Variants in LRP1B observed in about 807,000 individuals in gnomAD.
LRP1B encodes the protein LDL receptor related protein 1B.
A neutral mutation model predicts 556.6 loss-of-function variants in LRP1B; 217 were observed. The observed-to-expected ratio is 0.39, with a 90% confidence interval of 0.35 to 0.44. The LOEUF (loss-of-function observed/expected upper bound fraction) is 0.44, where lower values mean the gene tolerates loss of function less well. Ranked by LOEUF, LRP1B falls within the 20% of genes least tolerant of loss-of-function variation. The pLI is 1.00. For missense variants in LRP1B, 5,053 were observed against 5,620.8 expected, an observed-to-expected ratio of 0.90 and a Z score of 3.23; for synonymous variants, 2,047 against 1,865.8, an observed-to-expected ratio of 1.10 and a Z score of -2.50.
Position 140,485,968 on chromosome 2 carries a change from T to C in LRP1B, c.9244-444A>G, listed in dbSNP as rs980477242. The stretch of plus-strand genomic sequence containing the variant: ...CTCTCTCTACTGCTCTTGACCTATT[T>C]AGTTAACTACAAGGAGAGAAGAAAA... On this transcript the variant is annotated intron_variant, in intron 58 of 90. Transcript: ENST00000389484. Among the ~76,000 whole-genome samples, 4 of 151,854 alleles carry C rather than the reference T, an allele frequency of 2.6e-5. No homozygotes were observed. The East Asian group carries it at 7.7e-4, about 29-fold the overall frequency.
chr2:141,243,221 A>T (rs1421219617), intron 5 of LRP1B, among the ~76,000 whole-genome samples: 1 of 150,550 alleles, frequency 6.6e-6, no homozygotes, highest in Non-Finnish European at 1.5e-5. Flanking sequence ...CGTGGCTCAC[A>T]TATGTGATCT....
At position 141,982,540 on chromosome 2, in the gene LRP1B, A is replaced by G. The variant is rs191543312; in HGVS notation, c.82+148108T>C. ...TCATTCTTAATTATATTTGAACGCTAAAACCACAACTAATTTTGCTCTATC... is the reference window on the plus strand; with the variant it reads ...TCATTCTTAATTATATTTGAACGCTGAAACCACAACTAATTTTGCTCTATC... On this transcript the variant is annotated intron_variant, in intron 1 of 90. Coordinates refer to ENST00000389484, the MANE Select transcript of LRP1B (RefSeq NM_018557.3). Among the ~76,000 whole-genome samples, 436 of 152,306 alleles carry G rather than the reference A, an allele frequency of 2.9e-3. 1 individual carries two copies. Among genetic ancestry groups the G allele is most frequent in the Admixed American group, 4.3e-3 (66 of 15,298 alleles).
chr2:142,091,054 G>A (rs1342340909), intron 1 of LRP1B, among the ~76,000 whole-genome samples: 2 of 152,002 alleles, frequency 1.3e-5, no homozygotes, highest in Non-Finnish European at 2.9e-5. Context: ...AGAGACTAAT[G>A]ATTTTTTGAT....
chr2:140,310,414 CAAAA>C (rs10670842), intron 83 of LRP1B, among the ~76,000 whole-genome samples: 2 of 124,858 alleles, frequency 1.6e-5, no homozygotes, highest in African/African-American at 3.0e-5. Flanking sequence ...CATACGGAAC[CAAAA>C]AAAAAAAAAA....
chr2:140,470,538 G>A lies in LRP1B; in HGVS notation c.9625+4600C>T, dbSNP rs138565811. On this transcript the variant is annotated intron_variant, in intron 60 of 90. Transcript: ENST00000389484. ...AGGGCGCCTGTAGTCCCAGCCCCTC[G>A]GGAGGCTGAGGCAGGAGAATGGCAT... 3.3e-3 allele frequency among the ~76,000 whole-genome samples: 491 copies of A among 151,054 alleles called. 2 individuals are homozygous for A. The highest frequency in any genetic ancestry group is 0.011 in the African/African-American group (459 of 41,194).
chr2:141,513,483 C>T (rs1237347645), intron 2 of LRP1B, among the ~76,000 whole-genome samples: 2 of 151,956 alleles, frequency 1.3e-5, no homozygotes, highest in Non-Finnish European at 2.9e-5. Context: ...AATCTAAATT[C>T]TATTGACTTT....
At position 140,375,118 on chromosome 2, in the gene LRP1B, G is replaced by A. The variant is rs183560999; in HGVS notation, c.10639-1981C>T. Among the ~76,000 whole-genome samples, 139 of 151,842 alleles carry A rather than the reference G, an allele frequency of 9.2e-4. 3 individuals are homozygous for A. Among genetic ancestry groups the A allele is most frequent in the South Asian group, 7.1e-3 (34 of 4,818 alleles). ...CTTTGCAACCTCCAAAGTGATTAATGAGCTTTTGCTTTTTAAAGTATTGTT... is the reference window on the plus strand; with the variant it reads ...CTTTGCAACCTCCAAAGTGATTAATAAGCTTTTGCTTTTTAAAGTATTGTT... On this transcript the variant is annotated intron_variant, in intron 68 of 90. Transcript: ENST00000389484.
chr2:140,813,877 G>T, intron 31 of LRP1B, 71 bp from the exon 32 acceptor site: 1 of 1,040,106 alleles, frequency 9.6e-7, no homozygotes, highest in Non-Finnish European at 1.4e-6. Context: ...AGCACCACTG[G>T]ATTTGAGGGG....
At chr2:142,069,806 T>C (rs1306609374) in intron 1 of LRP1B, among the ~76,000 whole-genome samples, 1 of 150,368 alleles carries the variant, frequency 6.7e-6, no homozygotes, top group Non-Finnish European at 1.5e-5. Context: ...TATAGTTAAA[T>C]TTATATATTT....
intron 3 of LRP1B, among the ~76,000 whole-genome samples, chr2:141,276,658 C>CTTTCTTTT (rs61184600): frequency 8.1e-6 from 1 of 122,924 alleles, no homozygotes; most frequent in Non-Finnish European, 1.7e-5. Context: ...TTCTTTCTTT[C>CTTTCTTTT]TTTTTTTTTT....
At chr2:140,710,347 GAT>G (rs1381320023) in intron 37 of LRP1B, among the ~76,000 whole-genome samples, 1 of 152,028 alleles carries the variant, frequency 6.6e-6, no homozygotes, top group Admixed American at 6.6e-5. Flanking sequence ...CAGGAAAAGA[GAT>G]ATCATATTTA....
At chr2:140,273,675 G>C (rs183339016) in intron 85 of LRP1B, among the ~76,000 whole-genome samples, 2 of 151,938 alleles carry the variant, frequency 1.3e-5, no homozygotes, top group Non-Finnish European at 1.5e-5. Flanking sequence ...CCCAAGCAAG[G>C]CAAGTGATAG....
intron 21 of LRP1B, among the ~76,000 whole-genome samples, chr2:140,916,505 C>A (rs552141047): frequency 1.2e-4 from 18 of 152,158 alleles, no homozygotes. Flanking sequence ...CACATGTGTG[C>A]CAGTCAGTTC....
intron 41 of LRP1B, among the ~76,000 whole-genome samples, chr2:140,611,267 C>T (rs1683062499): frequency 6.6e-6 from 1 of 152,136 alleles, no homozygotes. Context: ...TTGTAATAAG[C>T]TCAGTCATTT....
intron 66 of LRP1B, among the ~76,000 whole-genome samples, chr2:140,402,814 G>A (rs111672037): frequency 0.02 from 3,012 of 152,262 alleles, 48 homozygotes; most frequent in Non-Finnish European, 0.03. Flanking sequence ...CTCCTCTACT[G>A]TTCTGAAGCT....
chr2:141,602,281 G>A (rs13001145), intron 2 of LRP1B, among the ~76,000 whole-genome samples: 44,990 of 151,994 alleles, frequency 0.3, 7,615 homozygotes, highest in Non-Finnish European at 0.38. Context: ...ATCTGGTGAG[G>A]TTGTAACCAG....
chr2:142,124,456 A>T (rs1360850445), intron 1 of LRP1B, among the ~76,000 whole-genome samples: 1 of 152,038 alleles, frequency 6.6e-6, no homozygotes, highest in Non-Finnish European at 1.5e-5. Flanking sequence ...CTGTTGTCCA[A>T]TTTATGAATG....
chr2:140,492,320 G>A (rs573494136), intron 57 of LRP1B, among the ~76,000 whole-genome samples: 6 of 152,216 alleles, frequency 3.9e-5, no homozygotes, highest in African/African-American at 7.2e-5. Context: ...GGTGGTCTTC[G>A]TTTATACTTA....
rs766791201 is a variant in LRP1B, at chr2:140,385,943, C to T, written c.10481G>A (p.Arg3494Gln). Residue 3494 changes from arginine to glutamine, a missense_variant, in exon 67 of 91, where the codon CGG becomes CAG. This residue lies in a region of LRP1B where 262 missense variants were observed against 395.1 expected (regional missense o/e 0.66). Coordinates refer to ENST00000389484, the MANE Select transcript of LRP1B (RefSeq NM_018557.3). Reference sequence around the variant, plus strand: ...ACTGCAGTCATTTTGGCTATCACACCGCCAGTGATCGGGAATACAGTTGTT... The same window carrying T: ...ACTGCAGTCATTTTGGCTATCACACTGCCAGTGATCGGGAATACAGTTGTT... The part of the protein sequence containing the change: ...KNNNCIPDHW[R>Q]CDSQNDCSDN... The T allele has an allele frequency of 2.5e-5, 40 of 1,613,444 alleles. No homozygotes were observed. The Middle Eastern group carries it at 6.6e-4, about 27-fold the overall frequency.
Sources: allele counts gnomAD v4.1 joint callset (sites outside exome capture counted in the v4.1 genomes callset), GRCh38; gene constraint gnomAD v4.1.1; regional missense constraint gnomAD v4.1.1; transcripts MANE v1.5; gene names NCBI Gene and HGNC (gene_info 2026-07-23, HGNC 2026-07-21).